The following UNC13C variants were observed in gnomAD, a reference collection of about 807,000 sequenced individuals.
UNC13C encodes the protein unc-13 homolog C.
UNC13C carries 174 observed loss-of-function variants against 245.4 expected under a neutral mutation model. The ratio of observed to expected loss-of-function variants is 0.71; its 90% CI spans 0.63 to 0.80. The LOEUF (loss-of-function observed/expected upper bound fraction) is 0.80, where lower values mean the gene tolerates loss of function less well. Among genes scored for constraint, UNC13C ranks in the 30% least tolerant of loss-of-function variants. The pLI is 0.00. For missense variants in UNC13C, 2,829 were observed against 2,602.9 expected (o/e 1.09, Z -1.89); for synonymous variants, 992 against 895.1 (o/e 1.11, Z -1.93).
intron 30 of UNC13C, among the ~76,000 whole-genome samples, chr15:54,601,535 T>G (rs1899424771): frequency 6.6e-6 from 1 of 152,102 alleles, no homozygotes; most frequent in South Asian, 2.1e-4. Flanking sequence ...GTGTAGAAAT[T>G]GTCTTACTTG....
chr15:54,559,331 G>C (rs551681671), intron 29 of UNC13C, among the ~76,000 whole-genome samples: 1 of 151,930 alleles, frequency 6.6e-6, no homozygotes, highest in Non-Finnish European at 1.5e-5. Context: ...TCTTACCCTC[G>C]CAGAGGTTCT....
intron 2 of UNC13C, among the ~76,000 whole-genome samples, chr15:54,117,851 G>A (rs1003169695): frequency 2.0e-5 from 3 of 152,096 alleles, no homozygotes; most frequent in Admixed American, 6.6e-5. Context: ...AAAGTGCTGA[G>A]GTTACAAACA....
chr15:54,598,371 C>T (rs780389410), intron 30 of UNC13C, among the ~76,000 whole-genome samples: 7 of 152,132 alleles, frequency 4.6e-5, no homozygotes, highest in South Asian at 2.1e-4. Context: ...CTGGGATTAC[C>T]GGCATGAGCC....
chr15:54,146,487 C>A (rs2032264737), intron 4 of UNC13C, among the ~76,000 whole-genome samples: 1 of 152,154 alleles, frequency 6.6e-6, no homozygotes, highest in African/African-American at 2.4e-5. Flanking sequence ...CTGTACATTT[C>A]CTGTAAGTGT....
intron 17 of UNC13C, among the ~76,000 whole-genome samples, chr15:54,380,101 TTG>T (rs1447025263): frequency 6.6e-6 from 1 of 152,102 alleles, no homozygotes; most frequent in Admixed American, 6.6e-5. Context: ...AACTAAAATT[TTG>T]TGTCCTTTGA....
chr15:54,577,233 A>G (rs920521726), intron 30 of UNC13C, among the ~76,000 whole-genome samples: 2 of 152,144 alleles, frequency 1.3e-5, no homozygotes, highest in Non-Finnish European at 2.9e-5. Flanking sequence ...TGAAATCATG[A>G]TGTTTTATTC....
chr15:53,873,181 C>T, the UNC13C span, among the ~76,000 whole-genome samples: 19 of 152,024 alleles, frequency 1.2e-4, 1 homozygote, highest in East Asian at 2.9e-3. Context: ...CCTCTGGGCT[C>T]GGTCCTGTTT....
At chr15:54,096,195 A>T (rs1388177705) in intron 2 of UNC13C, among the ~76,000 whole-genome samples, 4 of 152,208 alleles carry the variant, frequency 2.6e-5, no homozygotes, top group Admixed American at 2.0e-4. Context: ...GTTGAGTGAC[A>T]GCTTGAGACT....
At chr15:54,192,343 A>C (rs1017181755) in intron 4 of UNC13C, among the ~76,000 whole-genome samples, 2 of 151,860 alleles carry the variant, frequency 1.3e-5, no homozygotes, top group African/African-American at 4.8e-5. Context: ...TCATTTTTTT[A>C]AAGGAGATGG....
chr15:53,846,067 A>G, the UNC13C span, among the ~76,000 whole-genome samples: 1 of 152,214 alleles, frequency 6.6e-6, no homozygotes, highest in Non-Finnish European at 1.5e-5. Context: ...TAGGCTTTGT[A>G]TTAGATGATT....
chr15:54,197,559 C>T (rs573358468), intron 4 of UNC13C, among the ~76,000 whole-genome samples: 1 of 152,090 alleles, frequency 6.6e-6, no homozygotes, highest in South Asian at 2.1e-4. Context: ...TTAAGCACAT[C>T]TCTGTAAGGA....
At chr15:54,366,115 A>G (rs932157204) in intron 17 of UNC13C, among the ~76,000 whole-genome samples, 11 of 152,190 alleles carry the variant, frequency 7.2e-5, no homozygotes, top group South Asian at 6.2e-4. Flanking sequence ...CCTTTAAATT[A>G]CAGCATCTCT....
chr15:54,091,075 G>C (rs1299348585), intron 2 of UNC13C, among the ~76,000 whole-genome samples: 1 of 136,462 alleles, frequency 7.3e-6, no homozygotes, highest in East Asian at 2.6e-4. Context: ...GGTGGGGGGA[G>C]GGGGGTTGCC....
intron 2 of UNC13C, among the ~76,000 whole-genome samples, chr15:54,062,234 G>A (rs553803683): frequency 6.6e-5 from 10 of 151,442 alleles, no homozygotes; most frequent in African/African-American, 1.5e-4. Context: ...CAGGAGAATC[G>A]CTTGAACTTG....
the UNC13C span, among the ~76,000 whole-genome samples, chr15:53,956,069 A>G: frequency 1.3e-5 from 2 of 152,224 alleles, no homozygotes; most frequent in African/African-American, 4.8e-5. Context: ...CTGAATTAAT[A>G]TAGAAACAGA....
At chr15:54,200,695 T>G (rs1008062866) in intron 4 of UNC13C, among the ~76,000 whole-genome samples, 2 of 151,894 alleles carry the variant, frequency 1.3e-5, no homozygotes, top group African/African-American at 4.8e-5. Context: ...AAAGTTCATA[T>G]CATTAAATGC....
At chr15:54,248,453 A>C (rs374874541) in intron 7 of UNC13C, among the ~76,000 whole-genome samples, 1 of 152,174 alleles carries the variant, frequency 6.6e-6, no homozygotes, top group Non-Finnish European at 1.5e-5. Context: ...ACTATGCTAG[A>C]TATTAAAGAG....
At chr15:54,132,074 C>CTTTTTTTTTCTTTTTCTTTTTTTCTTT (rs6145565) in intron 2 of UNC13C, among the ~76,000 whole-genome samples, 49 of 110,670 alleles carry the variant, frequency 4.4e-4, no homozygotes, top group African/African-American at 1.3e-3. Flanking sequence ...TTTTCTTTTT[C>CTTTTTTTTTCTTTTTCTTTTTTTCTTT]TTTTTTTTTT....
chr15:54,051,500 C>T (rs1046435546), intron 2 of UNC13C, among the ~76,000 whole-genome samples: 1 of 152,060 alleles, frequency 6.6e-6, no homozygotes, highest in Non-Finnish European at 1.5e-5. Context: ...TACTATATCA[C>T]AGTCTTTCAA....
Sources: gnomAD v4.1 joint callset for allele counts (sites outside exome capture counted in the v4.1 genomes callset) on GRCh38, gnomAD v4.1.1 for gene constraint, MANE v1.5 for transcripts, NCBI Gene and HGNC (gene_info 2026-07-23, HGNC 2026-07-21) for gene names.